NEDD8: variants seen among roughly 807,000 people sequenced by gnomAD.
The protein encoded by NEDD8 is NEDD8 ubiquitin like modifier, also known as ubiquitin-like protein NEDD8.
In NEDD8, 1 loss-of-function variant was observed where a neutral mutation model predicts 13.8. The ratio of observed to expected loss-of-function variants is 0.07; its 90% CI spans 0.03 to 0.34. The LOEUF (loss-of-function observed/expected upper bound fraction) is 0.34. Among genes scored for constraint, NEDD8 ranks in the 10% least tolerant of loss-of-function variants. The pLI is 0.99. For synonymous variants in NEDD8, 31 were observed against 33.2 expected, an observed-to-expected ratio of 0.93 and a Z score of 0.23; for missense variants, 10 against 95.2, an observed-to-expected ratio of 0.10 and a Z score of 3.73.
chr14:24,224,863 A>G (rs2039863650), intron 1 of NEDD8, among the ~76,000 whole-genome samples: 1 of 152,224 alleles, frequency 6.6e-6, no homozygotes, highest in African/African-American at 2.4e-5. Flanking sequence ...GAATACGTCA[A>G]AAGACAACAT....
At chr14:24,225,171 C>A (rs77985015) in intron 1 of NEDD8, among the ~76,000 whole-genome samples, 2,926 of 123,216 alleles carry the variant, frequency 0.024, 1 homozygote, top group Non-Finnish European at 0.028. Context: ...GACTCTGTCT[C>A]AAAAAAAAAA....
At chr14:24,229,985 G>A (rs1031874963) in intron 1 of NEDD8, among the ~76,000 whole-genome samples, 5 of 151,892 alleles carry the variant, frequency 3.3e-5, no homozygotes, top group African/African-American at 4.8e-5. Context: ...CAGGAGAATC[G>A]CTTGAACCCG....
At chr14:24,221,428 C>A (rs571495513) in intron 1 of NEDD8, among the ~76,000 whole-genome samples, 18 of 151,882 alleles carry the variant, frequency 1.2e-4, no homozygotes, top group Admixed American at 7.9e-4. Flanking sequence ...CACAGGCGGG[C>A]ACCACCACGC....
At chr14:24,230,742 C>G (rs926201340) in intron 1 of NEDD8, among the ~76,000 whole-genome samples, 1 of 151,124 alleles carries the variant, frequency 6.6e-6, no homozygotes, top group Non-Finnish European at 1.5e-5. Context: ...CCTTAGCCTC[C>G]GAGTAGCTGG....
chr14:24,221,832 G>T (rs763007531), intron 1 of NEDD8, among the ~76,000 whole-genome samples: 1 of 152,076 alleles, frequency 6.6e-6, no homozygotes, highest in Non-Finnish European at 1.5e-5. Flanking sequence ...CCGACCTCAG[G>T]TGATCTGCCT....
At chr14:24,226,703 A>T (rs2039897048) in intron 1 of NEDD8, 1 of 152,180 alleles carries the variant, frequency 6.6e-6, no homozygotes, top group Non-Finnish European at 1.5e-5. Flanking sequence ...CTACAAGGGT[A>T]CCGTCTAGTA....
intron 2 of NEDD8, 51 bp downstream of exon 2, chr14:24,218,333 A>G: frequency 6.2e-7 from 1 of 1,614,168 alleles, no homozygotes; most frequent in Non-Finnish European, 8.5e-7. Flanking sequence ...AGCATATGCA[A>G]ACAAATACAC....
In NEDD8 at chr14:24,218,209, G is replaced by T. The variant is rs1183929116; in HGVS notation, c.73C>A (p.Arg25=). ...IDIEPTDKVE[R]IKERVEEKEG... is the part of the protein sequence containing the mutation. Reference sequence around the variant, plus strand: ...TTCTCCTCCACACGCTCCTTGATTCGCTCCACCTTTAGAGAGACAAGTAGT... The same window carrying T: ...TTCTCCTCCACACGCTCCTTGATTCTCTCCACCTTTAGAGAGACAAGTAGT... The change falls in exon 3 of 4, where the codon CGA becomes AGA. Residue 25 remains arginine (R), a synonymous_variant. Transcript: ENST00000250495. 1.2e-6 allele frequency: 2 copies of T among 1,613,938 alleles called. No homozygotes were observed. The highest frequency in any genetic ancestry group is 1.7e-6 in the Non-Finnish European group (2 of 1,180,036).
At chr14:24,219,475 C>CAAAAAAAAAAAAA (rs59964484) in intron 1 of NEDD8, among the ~76,000 whole-genome samples, 3 of 33,368 alleles carry the variant, frequency 9.0e-5, no homozygotes, top group African/African-American at 3.6e-4. Context: ...AACACCCTCG[C>CAAAAAAAAAAAAA]AAAAAAAAAA....
rs1008440572 is a variant in NEDD8 at position 24,219,290 on chromosome 14, T to C, written c.19-859A>G. Reference sequence around the variant, plus strand: ...CAGCCTGGACAACACAGCGAAACCCTGTCTCAACCAAAACAACAACAACAA... The same window carrying C: ...CAGCCTGGACAACACAGCGAAACCCCGTCTCAACCAAAACAACAACAACAA... On this transcript the variant is annotated intron_variant, in intron 1 of 3. Transcript: ENST00000250495. 2.7e-5 allele frequency among the ~76,000 whole-genome samples: 4 copies of C among 149,222 alleles called. No individual in the cohort carries two copies. The South Asian group carries it at 6.3e-4, about 24-fold the overall frequency.
Position 24,217,053 on chromosome 14 carries a change from G to A in NEDD8, c.*74C>T, listed in dbSNP as rs1015895285. 1.7e-6 allele frequency: 2 copies of A among 1,201,306 alleles called. No homozygotes were observed. Among genetic ancestry groups the A allele is most frequent in the African/African-American group, 1.5e-5 (1 of 66,072 alleles). The allele number at this position is 1,201,306 out of a possible 1,614,324, so 74.4% of individuals were successfully genotyped here. ...TCCAGGGGAGGGGGCAGTGGCTATG[G>A]TGTCCCAGAGAGTGAGAGGATATAT... On this transcript the variant is annotated 3_prime_UTR_variant, in exon 4 of 4. Transcript: ENST00000250495.
intron 1 of NEDD8, among the ~76,000 whole-genome samples, chr14:24,220,477 A>C: frequency 6.6e-6 from 1 of 152,090 alleles, no homozygotes. Context: ...TGTGTGCACC[A>C]CCACACTCAG....
chr14:24,225,682 A>G (rs2039880122), intron 1 of NEDD8, among the ~76,000 whole-genome samples: 2 of 152,226 alleles, frequency 1.3e-5, no homozygotes, highest in Non-Finnish European at 2.9e-5. Flanking sequence ...ACAATTTTAG[A>G]AGATATTCTT....
chr14:24,219,494 AAAAAAAAGAAAGTAAAAG>A (rs2039765391), intron 1 of NEDD8, among the ~76,000 whole-genome samples: 1 of 137,160 alleles, frequency 7.3e-6, no homozygotes, highest in Admixed American at 6.8e-5. Flanking sequence ...AAAAAAAAAA[AAAAAAAAGAAAGTAAAAG>A]AAAAAAGAGA....
chr14:24,223,596 T>A (rs1048167610), intron 1 of NEDD8, among the ~76,000 whole-genome samples: 1 of 152,004 alleles, frequency 6.6e-6, no homozygotes, highest in Admixed American at 6.6e-5. Context: ...TGTCCCAGCC[T>A]GGAACACAGT....
chr14:24,229,963 A>T (rs1405127418), intron 1 of NEDD8, among the ~76,000 whole-genome samples: 2 of 151,766 alleles, frequency 1.3e-5, no homozygotes, highest in Non-Finnish European at 2.9e-5. Flanking sequence ...CCAGCTAGTC[A>T]GGAAGCTGAG....
chr14:24,231,250 CTT>C (rs1461164841), intron 1 of NEDD8, among the ~76,000 whole-genome samples: 1 of 151,984 alleles, frequency 6.6e-6, no homozygotes, highest in Non-Finnish European at 1.5e-5. Flanking sequence ...TGTTACGACT[CTT>C]ATATAGGCCG....
At chr14:24,229,621 A>G (rs1006472506) in intron 1 of NEDD8, among the ~76,000 whole-genome samples, 6 of 152,370 alleles carry the variant, frequency 3.9e-5, no homozygotes, top group African/African-American at 9.6e-5. Flanking sequence ...GTCTGAGAGC[A>G]TATCACAAAT....
chr14:24,221,206 G>A (rs1240512705), intron 1 of NEDD8, among the ~76,000 whole-genome samples: 1 of 152,082 alleles, frequency 6.6e-6, no homozygotes, highest in African/African-American at 2.4e-5. Flanking sequence ...TTCAGAGAAT[G>A]GTGGTGACAA....
Sources: allele counts gnomAD v4.1 joint callset (sites outside exome capture counted in the v4.1 genomes callset), GRCh38; gene constraint gnomAD v4.1.1; transcripts MANE v1.5; gene names NCBI Gene and HGNC (gene_info 2026-07-23, HGNC 2026-07-21).